The following MYO3B variants were observed in gnomAD, a reference collection of about 807,000 sequenced individuals.
MYO3B encodes the protein myosin IIIB.
In MYO3B, 156 loss-of-function variants were observed where a neutral mutation model predicts 174.6. That is an observed-to-expected ratio of 0.89 (90% CI 0.78 to 1.02). The LOEUF (loss-of-function observed/expected upper bound fraction) is 1.02, where lower values mean the gene tolerates loss of function less well. Ranked by LOEUF, MYO3B falls within the 50% of genes least tolerant of loss-of-function variation. The pLI is 0.00. For missense variants in MYO3B, 1,632 were observed against 1,639.4 expected, an observed-to-expected ratio of 1.00 and a Z score of 0.08; for synonymous variants, 563 against 569.1, an observed-to-expected ratio of 0.99 and a Z score of 0.15.
At chr2:170,310,665 CAAAAA>C (rs746315736) in intron 7 of MYO3B, among the ~76,000 whole-genome samples, 2 of 61,458 alleles carry the variant, frequency 3.3e-5, no homozygotes, top group South Asian at 1.8e-3. Context: ...GACTCCATCT[CAAAAA>C]AAAAAAAAAA....
intron 32 of MYO3B, among the ~76,000 whole-genome samples, chr2:170,562,676 G>T (rs1691791481): frequency 6.6e-6 from 1 of 152,200 alleles, no homozygotes; most frequent in Non-Finnish European, 1.5e-5. Flanking sequence ...TGCATTGACA[G>T]ATATTTGAGT....
intron 32 of MYO3B, among the ~76,000 whole-genome samples, chr2:170,614,224 T>TC (rs1168122835): frequency 1.3e-5 from 2 of 152,170 alleles, no homozygotes; most frequent in Non-Finnish European, 2.9e-5. Context: ...TTTATTTTTT[T>TC]CTGCAAAATG....
Position 170,515,024 on chromosome 2 carries a change from T to TA in MYO3B, c.3472+3dup, listed in dbSNP as rs1559074493. On this transcript the variant is annotated splice_region_variant and intron_variant, in intron 29 of 34. Transcript: ENST00000408978. ...GCAGCGAGCCTGGTGACCATAAAGG[T>TA]AGAGTCTTTCGAGATTTAGAATGAG... The TA allele has an allele frequency of 6.2e-7, 1 of 1,612,944 alleles. No individual in the cohort carries two copies. The highest frequency in any genetic ancestry group is 1.7e-4 in the Middle Eastern group (1 of 6,058).
intron 22 of MYO3B, among the ~76,000 whole-genome samples, chr2:170,424,249 G>A (rs2094642964): frequency 6.6e-6 from 1 of 152,150 alleles, no homozygotes; most frequent in Non-Finnish European, 1.5e-5. Context: ...TCCTTCCAGT[G>A]TGGATCTTAA....
At chr2:170,338,973 T>C (rs2093961931) in intron 8 of MYO3B, among the ~76,000 whole-genome samples, 1 of 152,206 alleles carries the variant, frequency 6.6e-6, no homozygotes, top group Non-Finnish European at 1.5e-5. Context: ...GCCTATCAAA[T>C]GCAGTTTGAC....
chr2:170,351,141 T>C (rs534174567), intron 8 of MYO3B: 1 of 152,280 alleles, frequency 6.6e-6, no homozygotes, highest in East Asian at 1.9e-4. Context: ...GGAATGCTCA[T>C]GAAGTGCTCA....
At chr2:170,291,795 G>T (rs1382952149) in intron 7 of MYO3B, among the ~76,000 whole-genome samples, 1 of 151,516 alleles carries the variant, frequency 6.6e-6, no homozygotes, top group Non-Finnish European at 1.5e-5. Flanking sequence ...AAAGCCTGTT[G>T]CCAGACAAAT....
intron 25 of MYO3B, among the ~76,000 whole-genome samples, chr2:170,469,262 A>G (rs551447320): frequency 6.6e-6 from 1 of 152,344 alleles, no homozygotes; most frequent in African/African-American, 2.4e-5. Context: ...AAGTAACCCA[A>G]TATTCTGTAA....
chr2:170,461,348 C>G (rs1290513500), intron 23 of MYO3B, among the ~76,000 whole-genome samples: 1 of 151,238 alleles, frequency 6.6e-6, no homozygotes, highest in Admixed American at 6.6e-5. Flanking sequence ...GTGGCGGGCA[C>G]CTGTAATCCC....
At chr2:170,454,442 C>G (rs1249821056) in intron 23 of MYO3B, among the ~76,000 whole-genome samples, 1 of 152,222 alleles carries the variant, frequency 6.6e-6, no homozygotes, top group Non-Finnish European at 1.5e-5. Flanking sequence ...GAGCTACAGA[C>G]AGACATCCTA....
At chr2:170,423,368 C>T (rs1465891513) in intron 22 of MYO3B, among the ~76,000 whole-genome samples, 1 of 152,158 alleles carries the variant, frequency 6.6e-6, no homozygotes, top group African/African-American at 2.4e-5. Context: ...ACAGAAGTGC[C>T]TCATTCCTGC....
At chr2:170,628,831 T>C (rs1696692047) in intron 32 of MYO3B, among the ~76,000 whole-genome samples, 1 of 152,214 alleles carries the variant, frequency 6.6e-6, no homozygotes, top group African/African-American at 2.4e-5. Context: ...GCTTCAAGTT[T>C]GGATATTTTT....
chr2:170,598,545 C>T (rs1325108526), intron 32 of MYO3B, among the ~76,000 whole-genome samples: 15 of 152,178 alleles, frequency 9.9e-5, no homozygotes, highest in Admixed American at 9.8e-4. Context: ...TCCAGCTATC[C>T]TGTGTGGAAA....
chr2:170,593,220 C>A (rs1474333817), intron 32 of MYO3B, among the ~76,000 whole-genome samples: 1 of 152,142 alleles, frequency 6.6e-6, no homozygotes, highest in East Asian at 1.9e-4. Flanking sequence ...ACCTCAGCAT[C>A]CCAAGTGACT....
intron 32 of MYO3B, among the ~76,000 whole-genome samples, chr2:170,570,504 T>C (rs1244909118): frequency 2.0e-5 from 3 of 152,222 alleles, no homozygotes; most frequent in African/African-American, 7.2e-5. Context: ...GCCACATTCA[T>C]TGAGCCAGAA....
At chr2:170,601,791 C>G (rs1286561792) in intron 32 of MYO3B, 4 of 1,262,078 alleles carry the variant, frequency 3.2e-6, no homozygotes, top group African/African-American at 1.5e-5. Context: ...TTGCAGCCTT[C>G]TTTTCACAAA....
intron 28 of MYO3B, among the ~76,000 whole-genome samples, chr2:170,502,207 C>T (rs974293513): frequency 1.1e-4 from 16 of 152,076 alleles, no homozygotes; most frequent in African/African-American, 3.6e-4. Flanking sequence ...GAACACAGGC[C>T]GTTTGGATAG....
chr2:170,581,914 AAGG>A (rs1426184764), intron 32 of MYO3B, among the ~76,000 whole-genome samples: 1 of 152,216 alleles, frequency 6.6e-6, no homozygotes, highest in African/African-American at 2.4e-5. Flanking sequence ...GTGCAATGGA[AAGG>A]AGACAAAAGA....
intron 32 of MYO3B, among the ~76,000 whole-genome samples, chr2:170,647,244 C>T (rs1031955323): frequency 1.3e-5 from 2 of 152,260 alleles, no homozygotes; most frequent in South Asian, 4.2e-4. Context: ...CTAGCTTAAA[C>T]GGCTTTAAAG....
Sources: gnomAD v4.1 joint callset for allele counts (sites outside exome capture counted in the v4.1 genomes callset) on GRCh38, gnomAD v4.1.1 for gene constraint, MANE v1.5 for transcripts, NCBI Gene and HGNC (gene_info 2026-07-23, HGNC 2026-07-21) for gene names.